PIK3C2A: variants seen among roughly 807,000 people sequenced by gnomAD.
PIK3C2A encodes phosphatidylinositol 4-phosphate 3-kinase C2 domain-containing subunit alpha.
In PIK3C2A, 97 loss-of-function variants were observed where a neutral mutation model predicts 204.5. That is an observed-to-expected ratio of 0.47 (90% CI 0.40 to 0.56). PIK3C2A has a LOEUF of 0.56. PIK3C2A is among the 20% of genes least tolerant of loss of function. The pLI is 0.00. For missense variants in PIK3C2A, 1,735 were observed against 1,969.2 expected (o/e 0.88, Z 2.25); for synonymous variants, 653 against 664.4 (o/e 0.98, Z 0.26).
At chr11:17,202,137 T>A (rs954046513) in intron 1 of PIK3C2A, among the ~76,000 whole-genome samples, 3 of 151,292 alleles carry the variant, frequency 2.0e-5, no homozygotes, top group Non-Finnish European at 4.4e-5. Context: ...GCACCTGTAA[T>A]CCCAGCTACT....
Position 17,114,382 on chromosome 11 carries a change from C to G in PIK3C2A, c.3300G>C (p.Val1100=). ...TCACCTTAATATTTAATTCTTTTGC[C>G]ACTAGACTTGGCTTGAGAGGGAGAC... ...KCRLPLKPSL[V]AKELNIKSCS... is the part of the protein sequence containing the mutation. The change falls in exon 20 of 33, where the codon GTG becomes GTC. Residue 1100 remains valine (V), a synonymous_variant. Coordinates refer to ENST00000691414, the MANE Select transcript of PIK3C2A (RefSeq NM_002645.4). 2 of 1,533,772 alleles carry G rather than the reference C, an allele frequency of 1.3e-6. No individual in the cohort carries two copies. Among genetic ancestry groups the G allele is most frequent in the Non-Finnish European group, 1.8e-6 (2 of 1,107,292 alleles).
At chr11:17,203,264 G>A (rs1454900048) in intron 1 of PIK3C2A, among the ~76,000 whole-genome samples, 1 of 151,746 alleles carries the variant, frequency 6.6e-6, no homozygotes, top group Non-Finnish European at 1.5e-5. Context: ...AGGCCAAGAT[G>A]GGAGGATCGC....
In PIK3C2A at chr11:17,129,211, G is replaced by A. The variant is rs1199040858; in HGVS notation, c.2399+89C>T. 3.0e-6 allele frequency: 3 copies of A among 990,060 alleles called. No individual in the cohort carries two copies. The African/African-American group carries it at 4.9e-5, about 16-fold the overall frequency. 61.3% of individuals were successfully genotyped at this position (990,060 alleles called of 1,614,324 possible). On this transcript the variant is annotated intron_variant, in intron 13 of 32. Coordinates refer to ENST00000691414, the MANE Select transcript of PIK3C2A (RefSeq NM_002645.4). ...TGAAGAGGCTCATTCACTCATCTATGTTCCTCCCCTCACCTCCTTGTCATC... is the reference window on the plus strand; with the variant it reads ...TGAAGAGGCTCATTCACTCATCTATATTCCTCCCCTCACCTCCTTGTCATC...
At chr11:17,126,815 T>C (rs1223900630) in intron 13 of PIK3C2A, among the ~76,000 whole-genome samples, 1 of 152,206 alleles carries the variant, frequency 6.6e-6, no homozygotes, top group African/African-American at 2.4e-5. Context: ...TCAACTGCCC[T>C]TCACTTGATA....
At chr11:17,198,291 G>A (rs1466445060) in intron 1 of PIK3C2A, among the ~76,000 whole-genome samples, 1 of 151,940 alleles carries the variant, frequency 6.6e-6, no homozygotes, top group Non-Finnish European at 1.5e-5. Context: ...TGTATTTTTA[G>A]TAGAGACAGG....
chr11:17,120,473 A>G (rs1425069352), intron 15 of PIK3C2A, among the ~76,000 whole-genome samples: 1 of 151,942 alleles, frequency 6.6e-6, no homozygotes. Context: ...GAAATATTTC[A>G]CCATTTTACT....
intron 19 of PIK3C2A, among the ~76,000 whole-genome samples, chr11:17,117,116 G>A (rs1849219352): frequency 6.6e-6 from 1 of 152,138 alleles, no homozygotes; most frequent in Admixed American, 6.5e-5. Flanking sequence ...TAGAAGTATA[G>A]ACGTATCCAT....
intron 5 of PIK3C2A, 60 bp from the exon 6 acceptor site, chr11:17,147,688 G>C (rs1458963672): frequency 4.4e-6 from 4 of 909,672 alleles, no homozygotes; most frequent in Admixed American, 4.4e-5. Context: ...AAAGGTGAGG[G>C]TAAAATTTAA....
At position 17,174,521 on chromosome 11, in the gene PIK3C2A, G is replaced by A. The variant is rs1021943157; in HGVS notation, c.-65-4715C>T. ...AGGCAGGAGAATGGCGTGAACCCGG[G>A]AGGCGGAGCTTGCAGTGAGCCGAGA... On this transcript the variant is annotated intron_variant, in intron 1 of 32. Coordinates refer to ENST00000691414, the MANE Select transcript of PIK3C2A (RefSeq NM_002645.4). Among the ~76,000 whole-genome samples, 10 of 58,258 alleles carry A rather than the reference G, an allele frequency of 1.7e-4. 2 individuals carry two copies. Among genetic ancestry groups the A allele is most frequent in the Non-Finnish European group, 3.3e-4 (10 of 30,582 alleles). 38.2% of individuals were successfully genotyped at this position (58,258 alleles called of 152,430 possible). A position where few individuals can be genotyped will look rare whatever the true frequency, so the allele number is the denominator to read the frequency against.
intron 20 of PIK3C2A, 70 bp from the exon 21 acceptor site, chr11:17,112,736 G>A (rs1849041073): frequency 3.1e-6 from 2 of 654,264 alleles, no homozygotes; most frequent in African/African-American, 1.9e-5. Context: ...TTTGTCCTAC[G>A]CATTTCCCCT....
intron 1 of PIK3C2A, among the ~76,000 whole-genome samples, chr11:17,202,157 G>A (rs1303947246): frequency 2.0e-5 from 3 of 151,548 alleles, no homozygotes; most frequent in Non-Finnish European, 4.4e-5. Context: ...TCGGGAGGCT[G>A]AGGCAAGAGA....
intron 26 of PIK3C2A, 83 bp from the exon 27 acceptor site, chr11:17,097,347 T>C: frequency 1.3e-6 from 1 of 794,942 alleles, no homozygotes; most frequent in Non-Finnish European, 2.1e-6. Context: ...CAAAAACCAC[T>C]TTCATTCCTT....
intron 1 of PIK3C2A, among the ~76,000 whole-genome samples, chr11:17,186,775 G>A (rs1851766461): frequency 6.6e-6 from 1 of 152,176 alleles, no homozygotes; most frequent in Admixed American, 6.5e-5. Context: ...TCTGCTTGGG[G>A]ATAGAAATAC....
chr11:17,122,763 G>T lies in PIK3C2A; in HGVS notation c.2450C>A (p.Thr817Lys). The stretch of plus-strand genomic sequence containing the variant: ...GGTAACTGTTCCAGGAACAGAATTT[G>T]TATGTGATGAAGTCCAAAGATATAG... ...KLLYLWTSSH[T>K]NSVPGTVTKK... is the part of the protein sequence containing the mutation. The change falls in exon 14 of 33, where the codon ACA becomes AAA. Residue 817 changes from threonine (T) to lysine (K), a missense_variant. Around this residue, in one of 6 missense-constraint regions of PIK3C2A, gnomAD observed 567 missense variants for 576.0 expected, o/e 0.98. Coordinates refer to ENST00000691414, the MANE Select transcript of PIK3C2A (RefSeq NM_002645.4). 1 of 1,572,158 alleles carries T rather than the reference G, an allele frequency of 6.4e-7. No individual in the cohort carries two copies. The highest frequency in any genetic ancestry group is 2.3e-5 in the East Asian group (1 of 44,420).
intron 4 of PIK3C2A, among the ~76,000 whole-genome samples, chr11:17,150,267 T>C (rs756375466): frequency 5.9e-5 from 9 of 152,230 alleles, no homozygotes; most frequent in Non-Finnish European, 1.3e-4. Flanking sequence ...CTAATGCTTT[T>C]CAGCCTTGGC....
At chr11:17,172,084 A>G (rs565851738) in intron 1 of PIK3C2A, among the ~76,000 whole-genome samples, 2 of 152,222 alleles carry the variant, frequency 1.3e-5, no homozygotes, top group Admixed American at 1.3e-4. Context: ...TTTCAAAATA[A>G]AAGGCTGGAT....
At chr11:17,192,923 G>A (rs1325690031) in intron 1 of PIK3C2A, among the ~76,000 whole-genome samples, 1 of 152,236 alleles carries the variant, frequency 6.6e-6, no homozygotes, top group African/African-American at 2.4e-5. Context: ...ATTAAGAGGT[G>A]GGACCTTTAA....
intron 1 of PIK3C2A, among the ~76,000 whole-genome samples, chr11:17,187,214 A>T (rs895806616): frequency 6.6e-6 from 1 of 152,182 alleles, no homozygotes; most frequent in Non-Finnish European, 1.5e-5. Context: ...GAAAAAAATC[A>T]TGAGAGCGAT....
chr11:17,147,715 A>G, intron 5 of PIK3C2A, 87 bp from the exon 6 acceptor site: 1 of 671,022 alleles, frequency 1.5e-6, no homozygotes, highest in Non-Finnish European at 2.6e-6. Context: ...CCTGCATCAG[A>G]AATTGAAGAG....
Sources: allele counts gnomAD v4.1 joint callset (sites outside exome capture counted in the v4.1 genomes callset), GRCh38; gene constraint gnomAD v4.1.1; regional missense constraint gnomAD v4.1.1; transcripts MANE v1.5; gene names NCBI Gene and HGNC (gene_info 2026-07-23, HGNC 2026-07-21).